Variants in VSX2 observed in about 807,000 individuals in gnomAD.
VSX2 encodes ceh-10 homeo domain containing homolog.
VSX2 carries 28 observed loss-of-function variants against 32.1 expected under a neutral mutation model. The ratio of observed to expected loss-of-function variants is 0.87; its 90% CI spans 0.65 to 1.20. VSX2 has a LOEUF of 1.20. VSX2 is among the 50% of genes most tolerant of loss of function. The pLI, the probability that VSX2 is intolerant of heterozygous loss-of-function variation, is 0.00. For missense variants in VSX2, 506 were observed against 488.7 expected, an observed-to-expected ratio of 1.04 and a Z score of -0.33; for synonymous variants, 243 against 214.1, an observed-to-expected ratio of 1.14 and a Z score of -1.18.
At chr14:74,260,502 T>C in intron 4 of VSX2, 92 bp from the exon 5 acceptor site, 3 of 1,292,522 alleles carry the variant, frequency 2.3e-6, no homozygotes, top group Non-Finnish European at 3.3e-6. Flanking sequence ...TGCTCGTCCT[T>C]AATTCTGGCC....
chr14:74,256,561 C>G (rs1377174822), intron 3 of VSX2, among the ~76,000 whole-genome samples: 1 of 152,122 alleles, frequency 6.6e-6, no homozygotes, highest in Non-Finnish European at 1.5e-5. Context: ...TATTCATGAA[C>G]CAAACCTCTC....
rs574821596 is a variant in VSX2, at chr14:74,252,399, T to C, written c.579+7111T>C. On this transcript the variant is annotated intron_variant, in intron 3 of 4. Coordinates refer to ENST00000261980, the MANE Select transcript of VSX2 (RefSeq NM_182894.3). ...ACCTGGGCTTTCTTTTCTTTCTTTT[T>C]TTTTTTTTTGAGATGCAGTCTCCCT... Among the ~76,000 whole-genome samples, 7 of 151,728 alleles carry C rather than the reference T, an allele frequency of 4.6e-5. 1 individual carries two copies. In the South Asian group the frequency reaches 8.3e-4, roughly 18 times the overall value.
At chr14:74,250,245 A>T (rs998678749) in intron 3 of VSX2, among the ~76,000 whole-genome samples, 1 of 65,302 alleles carries the variant, frequency 1.5e-5, no homozygotes, top group East Asian at 4.4e-4. Context: ...TCAAAAAAAA[A>T]AAAATTTTTT....
rs368963378 is a variant in VSX2, at chr14:74,252,207, C to T, written c.579+6919C>T. Among the ~76,000 whole-genome samples the T allele has an allele frequency of 2.8e-4, 42 of 152,266 alleles. 1 individual carries two copies. Among genetic ancestry groups the T allele is most frequent in the African/African-American group, 1.0e-3 (42 of 41,556 alleles). On this transcript the variant is annotated intron_variant, in intron 3 of 4. Coordinates refer to ENST00000261980, the MANE Select transcript of VSX2 (RefSeq NM_182894.3). ...GGCTGTTCCTGCTGATTGCCCACGT[C>T]GAGAAAGAGCTGACAGGGTTTCCTG...
intron 3 of VSX2, among the ~76,000 whole-genome samples, chr14:74,254,784 A>ATGTTTTTTTTTTTTTTTTTTTTTTT (rs2079252115): frequency 8.6e-6 from 1 of 116,608 alleles, no homozygotes; most frequent in Non-Finnish European, 1.8e-5. Flanking sequence ...CGAAAAGTGG[A>ATGTTTTTTTTTTTTTTTTTTTTTTT]TTTTTTTTTT....
chr14:74,243,734 T>G (rs1789413417), intron 2 of VSX2, among the ~76,000 whole-genome samples: 1 of 145,290 alleles, frequency 6.9e-6, no homozygotes, highest in South Asian at 2.3e-4. Context: ...GGAGAAACGA[T>G]TTAGAATCAA....
chr14:74,250,162 A>G (rs1378189047), intron 3 of VSX2, among the ~76,000 whole-genome samples: 1 of 152,100 alleles, frequency 6.6e-6, no homozygotes. Context: ...ACTTGAGTCC[A>G]GGAGGTCAAG....
intron 3 of VSX2, among the ~76,000 whole-genome samples, chr14:74,256,925 C>T (rs1594757923): frequency 6.6e-6 from 1 of 152,158 alleles, no homozygotes; most frequent in East Asian, 1.9e-4. Flanking sequence ...CCACCCGCCT[C>T]GGCCTCCCAA....
rs2079136674 is a variant in VSX2 at position 74,239,787 on chromosome 14, A to G, written c.226A>G (p.Met76Val). The G allele has an allele frequency of 6.4e-7, 1 of 1,562,924 alleles. No homozygotes were observed. Residue 76 changes from methionine to valine, a missense_variant, in exon 1 of 5, where the codon ATG becomes GTG. Transcript: ENST00000261980. ...SVLSPAGVGG[M>V]GLLGPGGLPG... is the part of the protein sequence containing the mutation. ...GCTCAGCCCCGCGGGGGTGGGCGGCATGGGGCTTCTGGGGCCCGGGGGGCT... is the reference window on the plus strand; with the variant it reads ...GCTCAGCCCCGCGGGGGTGGGCGGCGTGGGGCTTCTGGGGCCCGGGGGGCT...
rs938930554 is a variant in VSX2, at chr14:74,245,061, G to A, written c.456-104G>A. 52 of 1,523,564 alleles carry A rather than the reference G, an allele frequency of 3.4e-5. No homozygotes were observed. The African/African-American group carries it at 5.6e-4, about 16-fold the overall frequency. 94.4% of individuals were successfully genotyped at this position (1,523,564 alleles called of 1,614,324 possible). A position where few individuals can be genotyped will look rare whatever the true frequency, so the allele number is the denominator to read the frequency against. On this transcript the variant is annotated intron_variant, in intron 2 of 4. Coordinates refer to ENST00000261980, the MANE Select transcript of VSX2 (RefSeq NM_182894.3). ...GTCCTATTGTGCTGAGCCAGCCTGGGTTCGGGGCCTGCCCAGGAGACACAG... is the reference window on the plus strand; with the variant it reads ...GTCCTATTGTGCTGAGCCAGCCTGGATTCGGGGCCTGCCCAGGAGACACAG...
chr14:74,245,232 G>C lies in VSX2; in HGVS notation c.523G>C (p.Val175Leu). ...ATTCAACGAAGCCCACTACCCAGAC[G>C]TCTATGCCCGGGAGATGCTGGCCAT... ...KAFNEAHYPD[V>L]YAREMLAMKT... The change falls in exon 3 of 5, where the codon GTC (valine) becomes CTC (leucine). Residue 175 changes from valine to leucine, a missense_variant. Transcript: ENST00000261980. The C allele has an allele frequency of 2.5e-6, 4 of 1,613,672 alleles. No homozygotes were observed. Among genetic ancestry groups the C allele is most frequent in the Non-Finnish European group, 3.4e-6 (4 of 1,179,938 alleles).
rs1367753921 is a variant in VSX2 at position 74,239,832 on chromosome 14, C to T, written c.271C>T (p.Pro91Ser). 3.2e-6 allele frequency: 5 copies of T among 1,576,782 alleles called. No individual in the cohort carries two copies. In the African/African-American group the frequency reaches 4.0e-5, roughly 13 times the overall value. ...PGGLPGFYTQPTFLEVLSDPQ... is the reference protein window; with the variant it reads ...PGGLPGFYTQSTFLEVLSDPQ... Reference sequence around the variant, plus strand: ...GGGGCTCCCTGGCTTCTACACGCAGCCCACCTTCCTGGAAGTGCTGTCCGA... The same window carrying T: ...GGGGCTCCCTGGCTTCTACACGCAGTCCACCTTCCTGGAAGTGCTGTCCGA... The change falls in exon 1 of 5, where the codon CCC (proline) becomes TCC (serine). Residue 91 changes from proline to serine, a missense_variant. Coordinates refer to ENST00000261980, the MANE Select transcript of VSX2 (RefSeq NM_182894.3).
intron 2 of VSX2, among the ~76,000 whole-genome samples, chr14:74,243,333 C>G (rs2079163484): frequency 6.6e-6 from 1 of 152,070 alleles, no homozygotes; most frequent in Non-Finnish European, 1.5e-5. Flanking sequence ...ACAACAGGAG[C>G]CTGAAGGGTC....
intron 4 of VSX2, among the ~76,000 whole-genome samples, 163 bp downstream of exon 4, chr14:74,259,945 G>A (rs1054667945): frequency 2.0e-5 from 3 of 152,200 alleles, no homozygotes; most frequent in African/African-American, 7.2e-5. Context: ...GGGACTCAGA[G>A]CAGGGTGGGC....
chr14:74,248,951 G>A (rs773744949), intron 3 of VSX2, among the ~76,000 whole-genome samples: 48 of 152,190 alleles, frequency 3.2e-4, no homozygotes, highest in Non-Finnish European at 6.0e-4. Flanking sequence ...GTGCAGGGCA[G>A]GTTAAGTTTA....
chr14:74,243,870 G>T (rs1402551143), intron 2 of VSX2, among the ~76,000 whole-genome samples: 3 of 152,016 alleles, frequency 2.0e-5, no homozygotes, highest in African/African-American at 7.3e-5. Context: ...GTTAGACGAG[G>T]GTGAGGGCCC....
chr14:74,250,312 G>A (rs1007239221), intron 3 of VSX2, among the ~76,000 whole-genome samples: 10 of 152,140 alleles, frequency 6.6e-5, no homozygotes, highest in African/African-American at 2.4e-4. Context: ...CAGCCCTGGG[G>A]AAGAGAAGGT....
intron 1 of VSX2, among the ~76,000 whole-genome samples, chr14:74,240,347 C>T (rs977751381): frequency 2.0e-5 from 3 of 152,202 alleles, no homozygotes; most frequent in African/African-American, 7.2e-5. Context: ...GTTCCGGCTC[C>T]GGCCCCATCC....
At chr14:74,252,088 G>C (rs1241060182) in intron 3 of VSX2, among the ~76,000 whole-genome samples, 2 of 152,240 alleles carry the variant, frequency 1.3e-5, no homozygotes, top group African/African-American at 2.4e-5. Flanking sequence ...TGGAACCCTG[G>C]GCATGTTTTC....
Sources: allele counts gnomAD v4.1 joint callset (sites outside exome capture counted in the v4.1 genomes callset), GRCh38; gene constraint gnomAD v4.1.1; transcripts MANE v1.5; gene names NCBI Gene and HGNC (gene_info 2026-07-23, HGNC 2026-07-21).